The following DPP10 variants were observed in gnomAD, a reference collection of about 807,000 sequenced individuals.
DPP10 encodes the protein inactive dipeptidyl peptidase 10.
DPP10 carries 33 observed loss-of-function variants against 120.9 expected under a neutral mutation model. The observed-to-expected ratio is 0.27, with a 90% CI of 0.21 to 0.37. DPP10 has a LOEUF of 0.37. Ranked by LOEUF, DPP10 falls within the 10% of genes least tolerant of loss-of-function variation. The pLI is 1.00. For missense variants in DPP10, 816 were observed against 942.8 expected, an observed-to-expected ratio of 0.87 and a Z score of 1.76; for synonymous variants, 337 against 326.1, an observed-to-expected ratio of 1.03 and a Z score of -0.36.
At chr2:115,761,572 T>G (rs1680117966) in intron 11 of DPP10, among the ~76,000 whole-genome samples, 1 of 152,104 alleles carries the variant, frequency 6.6e-6, no homozygotes. Flanking sequence ...GTGGCATTGG[T>G]ATCTATTTTA....
intron 17 of DPP10, 95 bp from the exon 18 acceptor site, chr2:115,790,986 C>G: frequency 1.2e-6 from 1 of 812,652 alleles, no homozygotes; most frequent in Non-Finnish European, 2.0e-6. Context: ...CAGTGCCTGC[C>G]AAATGGTAAC....
At position 115,720,654 on chromosome 2, in the gene DPP10, T is replaced by C. The variant is rs183654724; in HGVS notation, c.577-7162T>C. On this transcript the variant is annotated intron_variant, in intron 7 of 25. Coordinates refer to ENST00000410059, the MANE Select transcript of DPP10 (RefSeq NM_020868.6). ...TAAAATATAGCATGTTGGAGGTTTC[T>C]ATGTGAAATAGAAACCTAATAGTGA... Among the ~76,000 whole-genome samples, 645 of 152,264 alleles carry C rather than the reference T, an allele frequency of 4.2e-3. 1 individual carries two copies. The highest frequency in any genetic ancestry group is 0.015 in the African/African-American group (622 of 41,558).
At chr2:114,571,447 C>G (rs939274092) in intron 1 of DPP10, among the ~76,000 whole-genome samples, 2 of 152,048 alleles carry the variant, frequency 1.3e-5, no homozygotes, top group African/African-American at 4.8e-5. Flanking sequence ...GAACCGTGAG[C>G]CAATTAAACC....
intron 1 of DPP10, among the ~76,000 whole-genome samples, chr2:115,202,261 A>G (rs550129070): frequency 2.0e-4 from 30 of 152,300 alleles, no homozygotes; most frequent in Admixed American, 7.2e-4. Context: ...CTTTAAAGCA[A>G]TAAAGGCTAC....
chr2:114,846,411 C>T (rs984457106), intron 1 of DPP10, among the ~76,000 whole-genome samples: 2 of 151,984 alleles, frequency 1.3e-5, no homozygotes, highest in Non-Finnish European at 2.9e-5. Flanking sequence ...CTTTAAGAAA[C>T]AAAAATCACC....
chr2:115,198,258 A>G (rs1237047820), intron 1 of DPP10, among the ~76,000 whole-genome samples: 1 of 152,142 alleles, frequency 6.6e-6, no homozygotes, highest in East Asian at 1.9e-4. Flanking sequence ...GTAGAAGCCA[A>G]GCCTCTTATA....
At chr2:114,759,384 A>C (rs1005173402) in intron 1 of DPP10, among the ~76,000 whole-genome samples, 1 of 152,198 alleles carries the variant, frequency 6.6e-6, no homozygotes, top group Non-Finnish European at 1.5e-5. Context: ...TGGTCTATAA[A>C]GCATTCTTAT....
chr2:114,851,443 C>G (rs1051367822), intron 1 of DPP10, among the ~76,000 whole-genome samples: 1 of 152,148 alleles, frequency 6.6e-6, no homozygotes, highest in African/African-American at 2.4e-5. Flanking sequence ...ATTGTCATTC[C>G]ATTTTATAGG....
chr2:115,767,103 G>A (rs1034663904), intron 12 of DPP10, among the ~76,000 whole-genome samples: 2 of 152,078 alleles, frequency 1.3e-5, no homozygotes, highest in Non-Finnish European at 2.9e-5. Context: ...CTTTATATAG[G>A]GTAATAAGGA....
At chr2:115,192,861 TAAAA>T (rs2054981616) in intron 1 of DPP10, among the ~76,000 whole-genome samples, 1 of 151,420 alleles carries the variant, frequency 6.6e-6, no homozygotes, top group East Asian at 1.9e-4. Flanking sequence ...TTGATTTTAA[TAAAA>T]AATTAAAATA....
chr2:114,845,694 G>T (rs1688496987), intron 1 of DPP10, among the ~76,000 whole-genome samples: 1 of 152,174 alleles, frequency 6.6e-6, no homozygotes. Flanking sequence ...ACTTCTGCAA[G>T]AAGTGTGAAG....
At chr2:114,558,653 T>A (rs1688515623) in intron 1 of DPP10, among the ~76,000 whole-genome samples, 1 of 152,230 alleles carries the variant, frequency 6.6e-6, no homozygotes, top group Non-Finnish European at 1.5e-5. Context: ...CCCAGCCCAA[T>A]GGCAGACACA....
At chr2:114,822,181 T>A (rs537895849) in intron 1 of DPP10, among the ~76,000 whole-genome samples, 1 of 152,244 alleles carries the variant, frequency 6.6e-6, no homozygotes, top group Admixed American at 6.5e-5. Flanking sequence ...TTTTTTTACA[T>A]CCTCTGAAAT....
intron 3 of DPP10, among the ~76,000 whole-genome samples, chr2:115,380,212 C>T (rs1316374538): frequency 6.6e-6 from 1 of 152,116 alleles, no homozygotes; most frequent in Non-Finnish European, 1.5e-5. Flanking sequence ...TCACTCAGGA[C>T]TTGCTTTATG....
At chr2:114,754,342 G>A (rs140111627) in intron 1 of DPP10, among the ~76,000 whole-genome samples, 12 of 152,272 alleles carry the variant, frequency 7.9e-5, no homozygotes, top group South Asian at 2.1e-4. Flanking sequence ...AGGTCCCCAC[G>A]CTGTAGTCTT....
chr2:115,226,083 A>T (rs1193342444), intron 1 of DPP10, among the ~76,000 whole-genome samples: 1 of 152,166 alleles, frequency 6.6e-6, no homozygotes, highest in Non-Finnish European at 1.5e-5. Flanking sequence ...ATACTTTAAC[A>T]TACAGGCTGC....
At chr2:115,386,050 G>C (rs1574663360) in intron 3 of DPP10, among the ~76,000 whole-genome samples, 1 of 152,134 alleles carries the variant, frequency 6.6e-6, no homozygotes, top group Non-Finnish European at 1.5e-5. Context: ...TTTTAATTCT[G>C]TGGAATAATT....
At chr2:115,524,450 T>C (rs1366376246) in intron 4 of DPP10, among the ~76,000 whole-genome samples, 1 of 152,120 alleles carries the variant, frequency 6.6e-6, no homozygotes, top group East Asian at 1.9e-4. Context: ...CACAGGAGGC[T>C]CTTTCTCTTT....
rs1470643440 is a variant in DPP10 at position 114,497,379 on chromosome 2, A to ATG, written c.60+54541_60+54542insTG. 1.6e-4 allele frequency among the ~76,000 whole-genome samples: 23 copies of ATG among 142,502 alleles called. 1 individual carries two copies. Among genetic ancestry groups the ATG allele is most frequent in the African/African-American group, 5.8e-4 (23 of 39,552 alleles). 93.5% of individuals were successfully genotyped at this position (142,502 alleles called of 152,430 possible). A position where few individuals can be genotyped will look rare whatever the true frequency, so the allele number is the denominator to read the frequency against. On this transcript the variant is annotated intron_variant, in intron 1 of 25. Transcript: ENST00000410059. Reference sequence around the variant, plus strand: ...TACATATACATACACATGTACATATACATATACATACACATACATATACAT... The same window carrying ATG: ...TACATATACATACACATGTACATATATGCATATACATACACATACATATACAT...
Sources: gnomAD v4.1 joint callset for allele counts (sites outside exome capture counted in the v4.1 genomes callset) on GRCh38, gnomAD v4.1.1 for gene constraint, MANE v1.5 for transcripts, NCBI Gene and HGNC (gene_info 2026-07-23, HGNC 2026-07-21) for gene names.